The following RMND5B variants were observed in gnomAD, a reference collection of about 807,000 sequenced individuals.
The protein encoded by RMND5B is E3 ubiquitin-protein transferase RMND5B.
Under a neutral mutation model 50.4 loss-of-function variants are expected in RMND5B, and 42 were observed. The observed-to-expected ratio is 0.83, with a 90% CI of 0.65 to 1.08. RMND5B has a LOEUF of 1.08. Among genes scored for constraint, RMND5B ranks in the 50% least tolerant of loss-of-function variants. The pLI is 0.00. For synonymous variants in RMND5B, 220 were observed against 210.0 expected (o/e 1.05, Z -0.41); for missense variants, 463 against 508.5 (o/e 0.91, Z 0.86).
chr5:178,144,998 TTTA>T (rs1414819724), intron 7 of RMND5B, among the ~76,000 whole-genome samples: 1 of 152,208 alleles, frequency 6.6e-6, no homozygotes, highest in Non-Finnish European at 1.5e-5. Flanking sequence ...CCACCTCATA[TTTA>T]TTATTTTAAA....
At chr5:178,131,951 A>G (rs971067875) in intron 2 of RMND5B, among the ~76,000 whole-genome samples, 14 of 152,120 alleles carry the variant, frequency 9.2e-5, no homozygotes, top group African/African-American at 2.9e-4. Flanking sequence ...AGTACAGTGG[A>G]AATCTTTTGG....
intron 4 of RMND5B, 27 bp downstream of exon 4, chr5:178,142,755 G>C (rs1759014451): frequency 6.2e-7 from 1 of 1,614,258 alleles, no homozygotes; most frequent in Non-Finnish European, 8.5e-7. Flanking sequence ...CTCCAGGCGT[G>C]GGGTGGGAGC....
intron 7 of RMND5B, 97 bp downstream of exon 7, chr5:178,144,205 G>T (rs1343924276): frequency 2.2e-6 from 3 of 1,380,690 alleles, no homozygotes; most frequent in Non-Finnish European, 3.0e-6. Context: ...CCCATGTGGG[G>T]CTGTCTGTTA....
chr5:178,149,788 G>C lies in RMND5B; in HGVS notation c.*1756G>C, dbSNP rs1474951955. 1 of 1,613,940 alleles carries C rather than the reference G, an allele frequency of 6.2e-7. No homozygotes were observed. Among genetic ancestry groups the C allele is most frequent in the East Asian group, 2.2e-5 (1 of 44,886 alleles). ...CCTCCTGGTACTCCTCATGGGGCTT[G>C]ACCATTATCACACAGGTGGGGCGCT... is the stretch of plus-strand genomic sequence containing the variant. On this transcript the variant is annotated 3_prime_UTR_variant, in exon 11 of 11. Coordinates refer to ENST00000313386, the MANE Select transcript of RMND5B (RefSeq NM_022762.5).
chr5:178,140,816 C>T (rs1758891548), intron 3 of RMND5B, among the ~76,000 whole-genome samples: 1 of 147,750 alleles, frequency 6.8e-6, no homozygotes, highest in African/African-American at 2.5e-5. Flanking sequence ...GGTGACAAAG[C>T]GAGACTGTCT....
rs1337494343 is a variant in RMND5B, at chr5:178,131,065, G to A, written c.-153+11G>A. ...GGGCTGCGGGGCGAGGTGAGAGCGG[G>A]CGGGCTTGGGAGCCGGCAGGTGCGG... On this transcript the variant is annotated intron_variant, in intron 1 of 10. Transcript: ENST00000313386. The A allele has an allele frequency of 6.6e-6, 1 of 151,718 alleles. No homozygotes were observed. Among genetic ancestry groups the A allele is most frequent in the African/African-American group, 2.4e-5 (1 of 41,356 alleles). 9.4% of individuals were successfully genotyped at this position (151,718 alleles called of 1,614,324 possible).
Position 178,139,710 on chromosome 5 carries a change from A to ATT in RMND5B, c.139+1470_139+1471dup, listed in dbSNP as rs113719288. 6.4e-3 allele frequency among the ~76,000 whole-genome samples: 832 copies of ATT among 129,820 alleles called. 10 individuals are homozygous for ATT. The highest frequency in any genetic ancestry group is 0.023 in the African/African-American group (794 of 33,886). 85.2% of individuals were successfully genotyped at this position (129,820 alleles called of 152,430 possible). A position where few individuals can be genotyped will look rare whatever the true frequency, so the allele number is the denominator to read the frequency against. ...AGGCCCGTACCACCATGCCTGGCTA[A>ATT]TTTTTTTTTTTTTTTTTTTGGATTT... On this transcript the variant is annotated intron_variant, in intron 3 of 10. Transcript: ENST00000313386.
intron 1 of RMND5B, 90 bp downstream of exon 1, chr5:178,131,144 C>T (rs1224983883): frequency 6.6e-6 from 1 of 152,188 alleles, no homozygotes; most frequent in Non-Finnish European, 1.5e-5. Context: ...GGGGAAAGCT[C>T]GGCCGGCCTC....
At chr5:178,143,835 C>A in intron 6 of RMND5B, 107 bp from the exon 7 acceptor site, 1 of 1,477,950 alleles carries the variant, frequency 6.8e-7, no homozygotes, top group Non-Finnish European at 9.4e-7. Context: ...TGCCTGCAGC[C>A]CTGTCTCAAG....
rs779452625 is a variant in RMND5B, at chr5:178,149,736, G to T, written c.*1704G>T. ...CCTCATAGGGGTAGGGGCAGGGACT[G>T]CACCTCCTCCAGGCACTCATCGTAA... On this transcript the variant is annotated 3_prime_UTR_variant, in exon 11 of 11. Transcript: ENST00000313386. 33 of 1,614,032 alleles carry T rather than the reference G, an allele frequency of 2.0e-5. No homozygotes were observed. The highest frequency in any genetic ancestry group is 2.8e-5 in the Non-Finnish European group (33 of 1,179,988).
At chr5:178,133,826 C>A (rs567840952) in intron 2 of RMND5B, among the ~76,000 whole-genome samples, 2 of 152,202 alleles carry the variant, frequency 1.3e-5, no homozygotes, top group South Asian at 4.2e-4. Flanking sequence ...ATTCTCCTGC[C>A]CCAGCCTCCC....
At chr5:178,142,003 G>C (rs1206311806) in intron 3 of RMND5B, 1 of 155,378 alleles carries the variant, frequency 6.4e-6, no homozygotes, top group Non-Finnish European at 1.4e-5. Flanking sequence ...GCTCATCTAT[G>C]CTGTAGCCTG....
Position 178,148,394 on chromosome 5 carries a change from G to T in RMND5B, c.*362G>T. The T allele has an allele frequency of 5.6e-6, 2 of 359,988 alleles. No individual in the cohort carries two copies. Among genetic ancestry groups the T allele is most frequent in the Non-Finnish European group, 1.1e-5 (2 of 188,800 alleles). The allele number at this position is 359,988 out of a possible 1,614,324, so 22.3% of individuals were successfully genotyped here. ...CCTCAGCCAAGTCTCTTGCTGCCAT[G>T]CCAATGCTATGTCCACCCTTGCCCC... On this transcript the variant is annotated 3_prime_UTR_variant, in exon 11 of 11. Coordinates refer to ENST00000313386, the MANE Select transcript of RMND5B (RefSeq NM_022762.5).
chr5:178,149,906 T>C lies in RMND5B; in HGVS notation c.*1874T>C. On this transcript the variant is annotated 3_prime_UTR_variant, in exon 11 of 11. Transcript: ENST00000313386. ...ACCTGTATGCCAGGAAGTCACCAAC[T>C]GATGACCCACCAGCCTAATCTGGCC... 1 of 1,568,092 alleles carries C rather than the reference T, an allele frequency of 6.4e-7. No individual in the cohort carries two copies. The highest frequency in any genetic ancestry group is 1.1e-5 in the South Asian group (1 of 87,216).
chr5:178,135,838 AT>A (rs1758594413), intron 2 of RMND5B, among the ~76,000 whole-genome samples: 1 of 152,186 alleles, frequency 6.6e-6, no homozygotes, highest in Non-Finnish European at 1.5e-5. Context: ...TTTTTGAGCC[AT>A]GTTTATTTTT....
rs920713604 is a variant in RMND5B at position 178,138,742 on chromosome 5, T to C, written c.139+484T>C. On this transcript the variant is annotated intron_variant, in intron 3 of 10. Transcript: ENST00000313386. This position sits in a 1 kb window ranked among gnomAD's most constrained non-coding sequence, Gnocchi z 5.1. ...AAGAATAGTATAAAGAACTGATATA[T>C]ACCCTTTACTTGGATTCACCAACTG... is the stretch of plus-strand genomic sequence containing the variant. Among the ~76,000 whole-genome samples the C allele has an allele frequency of 6.6e-6, 1 of 152,208 alleles. No homozygotes were observed. Among genetic ancestry groups the C allele is most frequent in the African/African-American group, 2.4e-5 (1 of 41,460 alleles).
intron 2 of RMND5B, among the ~76,000 whole-genome samples, chr5:178,132,909 G>A (rs1172327019): frequency 1.4e-5 from 2 of 142,250 alleles, no homozygotes; most frequent in African/African-American, 5.1e-5. Context: ...CTGTCGCCCA[G>A]GCTGGAGTGC....
chr5:178,145,906 C>A, intron 7 of RMND5B: 1 of 556,862 alleles, frequency 1.8e-6, no homozygotes, highest in Non-Finnish European at 3.2e-6. Flanking sequence ...CTGTTCTCAT[C>A]CTGCAGAAGC....
rs776840810 is a variant in RMND5B at position 178,142,721 on chromosome 5, T to C, written c.278T>C (p.Ile93Thr). Reference protein sequence around the residue: ...HSSVSRVGKAIDRNFDSEICG... With the variant: ...HSSVSRVGKATDRNFDSEICG... ...AGTGTATCCCGAGTGGGCAAAGCCA[T>C]TGACAGGGTGAGCACGTGGCCGGCT... Residue 93 changes from isoleucine to threonine, a missense_variant, in exon 4 of 11, where the codon ATT (isoleucine) becomes ACT (threonine). Ile to Thr is a moderately conservative substitution (Grantham distance 89, BLOSUM62 -1). Coordinates refer to ENST00000313386, the MANE Select transcript of RMND5B (RefSeq NM_022762.5). The C allele has an allele frequency of 1.2e-6, 2 of 1,614,178 alleles. No homozygotes were observed. Among genetic ancestry groups the C allele is most frequent in the East Asian group, 2.2e-5 (1 of 44,890 alleles).
Sources: gnomAD v4.1 joint callset for allele counts (sites outside exome capture counted in the v4.1 genomes callset) on GRCh38, gnomAD v4.1.1 for gene constraint, Gnocchi (gnomAD v3.1) non-coding constraint, MANE v1.5 for transcripts, NCBI Gene and HGNC (gene_info 2026-07-23, HGNC 2026-07-21) for gene names.